Variants in PDE7B observed in about 807,000 individuals in gnomAD.
PDE7B encodes the protein phosphodiesterase 7B.
PDE7B carries 29 observed loss-of-function variants against 56.2 expected under a neutral mutation model. That is an observed-to-expected ratio of 0.52 (90% CI 0.38 to 0.70). PDE7B has a LOEUF of 0.70. Ranked by LOEUF, PDE7B falls within the 30% of genes least tolerant of loss-of-function variation. The probability of loss-of-function intolerance (pLI) is 0.00; values close to 1 mark genes in which losing one functional copy is unlikely to be tolerated. For missense variants in PDE7B, 490 were observed against 565.0 expected (o/e 0.87, Z 1.35); for synonymous variants, 197 against 196.9 (o/e 1.00, Z 0.00).
At chr6:136,140,722 T>C (rs9494453) in intron 3 of PDE7B, among the ~76,000 whole-genome samples, 4 of 152,034 alleles carry the variant, frequency 2.6e-5, no homozygotes, top group Admixed American at 2.6e-4. Flanking sequence ...TTTTGTTCTC[T>C]TTGAAGCAAT....
chr6:135,861,405 G>A (rs1168180876), intron 1 of PDE7B, among the ~76,000 whole-genome samples: 2 of 151,464 alleles, frequency 1.3e-5, no homozygotes, highest in Non-Finnish European at 3.0e-5. Context: ...TCACTTCCCT[G>A]TTTACTAATG....
chr6:136,186,365 C>T (rs550435330), intron 11 of PDE7B, among the ~76,000 whole-genome samples: 2 of 152,080 alleles, frequency 1.3e-5, no homozygotes, highest in East Asian at 1.9e-4. Flanking sequence ...GAGTTTGAGG[C>T]TGCAGTGAGC....
At chr6:136,177,573 A>T (rs1430196401) in intron 9 of PDE7B, among the ~76,000 whole-genome samples, 1 of 152,248 alleles carries the variant, frequency 6.6e-6, no homozygotes, top group Admixed American at 6.5e-5. Flanking sequence ...AACAAAATTC[A>T]TATTAAAACT....
chr6:135,854,733 G>T (rs959209539), intron 1 of PDE7B, among the ~76,000 whole-genome samples: 1 of 152,150 alleles, frequency 6.6e-6, no homozygotes, highest in Non-Finnish European at 1.5e-5. Context: ...GTGGCTCTAG[G>T]AATCCCCTCT....
intron 1 of PDE7B, among the ~76,000 whole-genome samples, chr6:135,882,586 A>G (rs1416305225): frequency 6.6e-6 from 1 of 152,196 alleles, no homozygotes; most frequent in Admixed American, 6.5e-5. Context: ...CAGATGGATT[A>G]CAGGACTTTT....
intron 8 of PDE7B, among the ~76,000 whole-genome samples, chr6:136,173,348 A>G (rs987897298): frequency 4.6e-5 from 7 of 152,192 alleles, no homozygotes; most frequent in Admixed American, 2.6e-4. Context: ...AAATAACGCC[A>G]CATATCTACA....
chr6:136,177,359 A>C (rs12660779), intron 9 of PDE7B, among the ~76,000 whole-genome samples: 7,736 of 152,240 alleles, frequency 0.051, 265 homozygotes, highest in South Asian at 0.12. Context: ...AATAGACATC[A>C]TAAAGACAGC....
chr6:136,010,282 T>G (rs1775869037), intron 2 of PDE7B, among the ~76,000 whole-genome samples: 1 of 152,200 alleles, frequency 6.6e-6, no homozygotes, highest in Admixed American at 6.5e-5. Context: ...CTATGTTTGG[T>G]GTTTGCTGTT....
intron 2 of PDE7B, among the ~76,000 whole-genome samples, chr6:136,089,139 C>T (rs1252184526): frequency 1.3e-5 from 2 of 152,150 alleles, no homozygotes; most frequent in African/African-American, 4.8e-5. Flanking sequence ...ATGATAAGGT[C>T]CCACCTCAGT....
In PDE7B at chr6:136,148,470, A is replaced by AAGGCAGGC. The variant is rs71006787; in HGVS notation, c.319-595_319-588dup. ...GTGGGAGGGAGGGAGGGAAGGAAGG[A>AAGGCAGGC]AGGCAGGCAGGCAGGCAGGCAGGCA... is the stretch of plus-strand genomic sequence containing the variant. On this transcript the variant is annotated intron_variant, in intron 4 of 12. Transcript: ENST00000308191. Among the ~76,000 whole-genome samples the AAGGCAGGC allele has an allele frequency of 1.1e-3, 140 of 130,236 alleles. 1 individual carries two copies. The highest frequency in any genetic ancestry group is 3.6e-3 in the African/African-American group (123 of 34,028). The allele number at this position is 130,236 out of a possible 152,430, so 85.4% of individuals were successfully genotyped here.
chr6:135,882,856 G>A (rs1210977716), intron 1 of PDE7B, among the ~76,000 whole-genome samples: 1 of 152,150 alleles, frequency 6.6e-6, no homozygotes, highest in Middle Eastern at 3.2e-3. Context: ...TAGATGGCCG[G>A]TAGTTTTATG....
intron 8 of PDE7B, among the ~76,000 whole-genome samples, chr6:136,160,031 G>A (rs929332142): frequency 6.6e-6 from 1 of 152,080 alleles, no homozygotes; most frequent in African/African-American, 2.4e-5. Flanking sequence ...CAGGCACAAA[G>A]GGAAACGAAG....
chr6:136,191,769 G>C lies in PDE7B; in HGVS notation c.1282G>C (p.Gly428Arg). The C allele has an allele frequency of 1.3e-6, 2 of 1,588,690 alleles. No homozygotes were observed. Among genetic ancestry groups the C allele is most frequent in the Non-Finnish European group, 1.7e-6 (2 of 1,167,982 alleles). The change falls in exon 13 of 13, where the codon GGC (glycine) becomes CGC (arginine). Residue 428 changes from glycine (G) to arginine (R), a missense_variant. Coordinates refer to ENST00000308191, the MANE Select transcript of PDE7B (RefSeq NM_018945.4). ...GCAGCACAGAAGCAGGGGCAGCAGT[G>C]GCAGCGGGCCTGACCACGACCACGC... is the stretch of plus-strand genomic sequence containing the variant. ...PRQHRSRGSS[G>R]SGPDHDHAGQ...
At chr6:135,935,097 ATTTCTCTATAT>A (rs1774388190) in intron 1 of PDE7B, among the ~76,000 whole-genome samples, 8 of 88,498 alleles carry the variant, frequency 9.0e-5, no homozygotes, top group African/African-American at 4.0e-4. Context: ...TATAATATAT[ATTTCTCTATAT>A]ATTTTATATA....
intron 2 of PDE7B, among the ~76,000 whole-genome samples, chr6:135,992,899 C>T (rs775962838): frequency 6.6e-6 from 1 of 152,216 alleles, no homozygotes; most frequent in South Asian, 2.1e-4. Context: ...ATGTGCCCCT[C>T]CCAACAGCCC....
At chr6:135,926,899 G>T (rs150416346) in intron 1 of PDE7B, among the ~76,000 whole-genome samples, 1 of 152,050 alleles carries the variant, frequency 6.6e-6, no homozygotes, top group Non-Finnish European at 1.5e-5. Flanking sequence ...TAAAGATTCC[G>T]CATAATCTTT....
intron 11 of PDE7B, among the ~76,000 whole-genome samples, chr6:136,184,112 G>C (rs1274381135): frequency 2.0e-5 from 3 of 152,134 alleles, no homozygotes; most frequent in African/African-American, 7.2e-5. Flanking sequence ...ATTATCCTAT[G>C]TGCAAAGCCC....
chr6:135,994,671 A>G (rs1170102063), intron 2 of PDE7B, among the ~76,000 whole-genome samples: 2 of 152,000 alleles, frequency 1.3e-5, no homozygotes, highest in East Asian at 3.9e-4. Flanking sequence ...AATGAATCTC[A>G]TTTATTCAAT....
chr6:135,992,227 T>C (rs75303915), intron 2 of PDE7B, among the ~76,000 whole-genome samples: 5 of 145,458 alleles, frequency 3.4e-5, no homozygotes, highest in African/African-American at 1.0e-4. Context: ...AAAAAAAAAA[T>C]CGCAAAAATC....
Sources: allele counts gnomAD v4.1 joint callset (sites outside exome capture counted in the v4.1 genomes callset), GRCh38; gene constraint gnomAD v4.1.1; transcripts MANE v1.5; gene names NCBI Gene and HGNC (gene_info 2026-07-23, HGNC 2026-07-21).